The following SSBP2 variants were observed in gnomAD, a reference collection of about 807,000 sequenced individuals.
SSBP2 encodes the protein single stranded DNA binding protein 2, also known as single-stranded DNA-binding protein 2.
Under a neutral mutation model 61.8 loss-of-function variants are expected in SSBP2, and 17 were observed. That is an observed-to-expected ratio of 0.28 (90% CI 0.19 to 0.41). The LOEUF is 0.41. Among genes scored for constraint, SSBP2 ranks in the 10% least tolerant of loss-of-function variants. The pLI is 1.00. For synonymous variants in SSBP2, 139 were observed against 141.3 expected, an observed-to-expected ratio of 0.98 and a Z score of 0.12; for missense variants, 310 against 458.7, an observed-to-expected ratio of 0.68 and a Z score of 2.96.
At chr5:81,444,135 T>C (rs573043767) in intron 12 of SSBP2, among the ~76,000 whole-genome samples, 1 of 152,354 alleles carries the variant, frequency 6.6e-6, no homozygotes, top group South Asian at 2.1e-4. Context: ...GAATATATCA[T>C]AATGTTGAAA....
At position 81,603,503 on chromosome 5, in the gene SSBP2, A is replaced by G. The variant is rs1404924498; in HGVS notation, c.282+11970T>C. Among the ~76,000 whole-genome samples, 6 of 152,332 alleles carry G rather than the reference A, an allele frequency of 3.9e-5. No homozygotes were observed. In the East Asian group the frequency reaches 9.6e-4, roughly 24 times the overall value. On this transcript the variant is annotated intron_variant, in intron 4 of 16. Transcript: ENST00000320672. ...AAGTCATTAAGACCAGCCTAGATTC[A>G]ATAGACTGGCATGATCACATTGCAG...
intron 6 of SSBP2, among the ~76,000 whole-genome samples, chr5:81,486,072 A>G (rs537570199): frequency 2.6e-4 from 40 of 152,302 alleles, no homozygotes; most frequent in African/African-American, 9.4e-4. Flanking sequence ...ATGTGTATGT[A>G]TGTGTGTGCA....
intron 4 of SSBP2, among the ~76,000 whole-genome samples, chr5:81,553,109 C>T (rs1322611655): frequency 6.6e-6 from 1 of 152,018 alleles, no homozygotes; most frequent in Non-Finnish European, 1.5e-5. Context: ...TCCATGAGGC[C>T]TTGGGTGAGT....
intron 1 of SSBP2, among the ~76,000 whole-genome samples, chr5:81,662,422 G>A (rs535743922): frequency 1.3e-5 from 2 of 152,222 alleles, no homozygotes; most frequent in East Asian, 1.9e-4. Context: ...AGCTGAGATC[G>A]TGCCACTGCA....
intron 1 of SSBP2, among the ~76,000 whole-genome samples, chr5:81,713,857 C>T (rs1754977068): frequency 6.6e-6 from 1 of 152,052 alleles, no homozygotes. Flanking sequence ...TCTTAACCTT[C>T]AAAGAGATAA....
chr5:81,709,781 T>A (rs979528343), intron 1 of SSBP2, among the ~76,000 whole-genome samples: 3 of 152,016 alleles, frequency 2.0e-5, no homozygotes, highest in Non-Finnish European at 4.4e-5. Flanking sequence ...AAAAAAATTT[T>A]AAAAGTCCAA....
intron 4 of SSBP2, among the ~76,000 whole-genome samples, chr5:81,549,475 C>G (rs1772006136): frequency 6.6e-6 from 1 of 152,192 alleles, no homozygotes. Context: ...ACAACCTTCT[C>G]GCACGTATCC....
chr5:81,742,730 G>A (rs1757110996), intron 1 of SSBP2, among the ~76,000 whole-genome samples: 1 of 152,096 alleles, frequency 6.6e-6, no homozygotes, highest in Non-Finnish European at 1.5e-5. Context: ...ACAAAAATTA[G>A]CCAAGTGTGG....
chr5:81,609,324 T>C (rs908842380), intron 4 of SSBP2, among the ~76,000 whole-genome samples: 1 of 152,230 alleles, frequency 6.6e-6, no homozygotes, highest in Non-Finnish European at 1.5e-5. Flanking sequence ...CCAGTTTCTC[T>C]GATACACCTT....
chr5:81,454,082 C>A (rs538454283), intron 10 of SSBP2, among the ~76,000 whole-genome samples: 22 of 152,130 alleles, frequency 1.4e-4, no homozygotes, highest in African/African-American at 2.2e-4. Context: ...CACTTCATTG[C>A]CACATGGTGA....
At chr5:81,431,110 T>C (rs966662513) in intron 15 of SSBP2, among the ~76,000 whole-genome samples, 1 of 152,158 alleles carries the variant, frequency 6.6e-6, no homozygotes, top group Non-Finnish European at 1.5e-5. Context: ...GGTAATGAAT[T>C]GTGTGTATGC....
rs770889602 is a variant in SSBP2 at position 81,428,544 on chromosome 5, G to C, written c.1056+41C>G. ...CATTTATTCTAGCAGAAGAGCTTCA[G>C]AAATAAAATTTGAGTATAATATAGT... On this transcript the variant is annotated intron_variant, in intron 16 of 16. Coordinates refer to ENST00000320672, the MANE Select transcript of SSBP2 (RefSeq NM_012446.5). 4.0e-6 allele frequency: 6 copies of C among 1,492,564 alleles called. No homozygotes were observed. The East Asian group carries it at 1.4e-4, about 34-fold the overall frequency. The allele number at this position is 1,492,564 out of a possible 1,614,324, so 92.5% of individuals were successfully genotyped here. A position where few individuals can be genotyped will look rare whatever the true frequency, so the allele number is the denominator to read the frequency against.
intron 6 of SSBP2, among the ~76,000 whole-genome samples, chr5:81,476,899 T>A (rs982332297): frequency 6.6e-6 from 1 of 152,224 alleles, no homozygotes; most frequent in Non-Finnish European, 1.5e-5. Context: ...TAGATTTCTA[T>A]ATTGTTCAAT....
chr5:81,547,059 T>TAAAAAAAAAAAAA (rs1771789270), intron 4 of SSBP2, among the ~76,000 whole-genome samples: 1 of 32,026 alleles, frequency 3.1e-5, no homozygotes, highest in African/African-American at 2.5e-4. Context: ...AAAAAAAAAG[T>TAAAAAAAAAAAAA]CTATCAAGAA....
chr5:81,624,169 T>G (rs905258437), intron 3 of SSBP2, among the ~76,000 whole-genome samples: 4 of 152,186 alleles, frequency 2.6e-5, no homozygotes, highest in African/African-American at 9.7e-5. Flanking sequence ...ATCTAGGATA[T>G]GTTATGAAAT....
chr5:81,643,695 C>A (rs1249641396), intron 2 of SSBP2, among the ~76,000 whole-genome samples: 1 of 147,778 alleles, frequency 6.8e-6, no homozygotes, highest in Non-Finnish European at 1.5e-5. Context: ...CTCCACTGCC[C>A]AGGCTCAAGC....
At chr5:81,425,116 C>T (rs987322613) in intron 16 of SSBP2, among the ~76,000 whole-genome samples, 5 of 152,178 alleles carry the variant, frequency 3.3e-5, no homozygotes, top group Non-Finnish European at 5.9e-5. Context: ...TGAGATAGCA[C>T]GCCTTGCTAT....
chr5:81,522,751 T>C (rs1169857142), intron 4 of SSBP2, among the ~76,000 whole-genome samples: 1 of 152,214 alleles, frequency 6.6e-6, no homozygotes, highest in African/African-American at 2.4e-5. Context: ...TAGCACCACG[T>C]ACTCTACCCT....
At chr5:81,434,633 C>CAAAAAAAAAAAAAAAAAA (rs34269591) in intron 15 of SSBP2, among the ~76,000 whole-genome samples, 6 of 43,016 alleles carry the variant, frequency 1.4e-4, no homozygotes, top group African/African-American at 3.8e-4. Flanking sequence ...ACTCTTGACT[C>CAAAAAAAAAAAAAAAAAA]AAAAAAAAAA....
Sources: gnomAD v4.1 joint callset for allele counts (sites outside exome capture counted in the v4.1 genomes callset) on GRCh38, gnomAD v4.1.1 for gene constraint, MANE v1.5 for transcripts, NCBI Gene and HGNC (gene_info 2026-07-23, HGNC 2026-07-21) for gene names.